The following TRAPPC8 variants were observed in gnomAD, a reference collection of about 807,000 sequenced individuals.
TRAPPC8 encodes the protein general sporulation gene 1 homolog.
TRAPPC8 carries 54 observed loss-of-function variants against 174.3 expected under a neutral mutation model. The observed-to-expected ratio is 0.31, with a 90% CI of 0.25 to 0.39. The LOEUF (loss-of-function observed/expected upper bound fraction) is 0.39, where lower values mean the gene tolerates loss of function less well. Ranked by LOEUF, TRAPPC8 falls within the 10% of genes least tolerant of loss-of-function variation. TRAPPC8 has a pLI of 1.00. For missense variants in TRAPPC8, 1,531 were observed against 1,699.1 expected, an observed-to-expected ratio of 0.90 and a Z score of 1.74; for synonymous variants, 630 against 579.9, an observed-to-expected ratio of 1.09 and a Z score of -1.24.
chr18:31,870,567 C>A, intron 15 of TRAPPC8, 65 bp from the exon 16 acceptor site: 1 of 1,511,474 alleles, frequency 6.6e-7, no homozygotes, highest in Non-Finnish European at 9.0e-7. Context: ...CAGCTTCGAT[C>A]TTCTAAATGC....
At chr18:31,903,678 C>T (rs2036540038) in intron 9 of TRAPPC8, among the ~76,000 whole-genome samples, 1 of 152,108 alleles carries the variant, frequency 6.6e-6, no homozygotes, top group Admixed American at 6.6e-5. Context: ...GTGCAAAGAC[C>T]ATTTTTCTTA....
In TRAPPC8 at chr18:31,942,939, A is replaced by G. The variant is rs1044558268; in HGVS notation, c.-175T>C. 4 of 1,200,408 alleles carry G rather than the reference A, an allele frequency of 3.3e-6. No individual in the cohort carries two copies. In the African/African-American group the frequency reaches 6.3e-5, roughly 19 times the overall value. The allele number at this position is 1,200,408 out of a possible 1,614,324, so 74.4% of individuals were successfully genotyped here. On this transcript the variant is annotated 5_prime_UTR_variant, in exon 1 of 29. Coordinates refer to ENST00000283351, the MANE Select transcript of TRAPPC8 (RefSeq NM_014939.5). ...ACGCCGCCGCTTCGGTTTCTGGGGC[A>G]CAATCCACTGACCCCCCCCTTCCCG...
intron 19 of TRAPPC8, 27 bp downstream of exon 19, chr18:31,864,600 T>C: frequency 6.2e-7 from 1 of 1,601,762 alleles, no homozygotes; most frequent in Non-Finnish European, 8.5e-7. Flanking sequence ...ATAAATTAAG[T>C]CCATGAAATT....
At chr18:31,936,950 C>T (rs985385569) in intron 1 of TRAPPC8, among the ~76,000 whole-genome samples, 2 of 142,832 alleles carry the variant, frequency 1.4e-5, no homozygotes, top group African/African-American at 5.2e-5. Flanking sequence ...CGGTGGCTCA[C>T]GCCTGTAATC....
At chr18:31,872,047 A>G (rs1000501027) in intron 14 of TRAPPC8, among the ~76,000 whole-genome samples, 2 of 152,124 alleles carry the variant, frequency 1.3e-5, no homozygotes, top group Non-Finnish European at 2.9e-5. Flanking sequence ...TCTTGGTGGC[A>G]AAGTCTGGGC....
At chr18:31,942,114 CG>C (rs1423400566) in intron 1 of TRAPPC8, among the ~76,000 whole-genome samples, 2 of 152,156 alleles carry the variant, frequency 1.3e-5, no homozygotes, top group Non-Finnish European at 2.9e-5. Context: ...AACAGCTACA[CG>C]GTAGTTCAGA....
chr18:31,894,643 A>G (rs1026599351), intron 11 of TRAPPC8, among the ~76,000 whole-genome samples: 3 of 152,206 alleles, frequency 2.0e-5, no homozygotes, highest in African/African-American at 4.8e-5. Flanking sequence ...TAACATTTCA[A>G]TAAAAACACA....
chr18:31,940,489 T>TTGA (rs2038284780), intron 1 of TRAPPC8, among the ~76,000 whole-genome samples: 1 of 151,966 alleles, frequency 6.6e-6, no homozygotes, highest in Non-Finnish European at 1.5e-5. Context: ...ACAAAAAAAC[T>TTGA]AATTTCACTT....
At chr18:31,882,790 T>C (rs565465692) in intron 12 of TRAPPC8, among the ~76,000 whole-genome samples, 75 of 151,558 alleles carry the variant, frequency 4.9e-4, no homozygotes, top group African/African-American at 1.8e-3. Context: ...CTAATTTTTG[T>C]ATTTTTAATA....
At chr18:31,886,344 GGAAAAAAAAAAA>G (rs796584630) in intron 12 of TRAPPC8, among the ~76,000 whole-genome samples, 14 of 71,262 alleles carry the variant, frequency 2.0e-4, no homozygotes, top group African/African-American at 6.9e-4. Flanking sequence ...TGTTTCTTGA[GGAAAAAAAAAAA>G]AAAAAAAAAA....
chr18:31,832,215 T>C, intron 27 of TRAPPC8, 42 bp from the exon 28 acceptor site: 1 of 1,288,180 alleles, frequency 7.8e-7, no homozygotes, highest in Non-Finnish European at 1.0e-6. Context: ...TATTTTTTTC[T>C]TCTTAAAAGC....
At chr18:31,890,499 C>A (rs1057035055) in intron 12 of TRAPPC8, among the ~76,000 whole-genome samples, 1 of 152,108 alleles carries the variant, frequency 6.6e-6, no homozygotes, top group African/African-American at 2.4e-5. Flanking sequence ...GATAAAATTA[C>A]AAATTTTATA....
rs35234467 is a variant in TRAPPC8, at chr18:31,932,997, C to CAAAAAAAAAAAAAAA, written c.158-1489_158-1475dup. On this transcript the variant is annotated intron_variant, in intron 1 of 28. Transcript: ENST00000283351. ...TGGGCGACAGAGTGAGACTCCGTCT[C>CAAAAAAAAAAAAAAA]AAAAAAAAAAAAAAAAAAAAAAAGC... Among the ~76,000 whole-genome samples the CAAAAAAAAAAAAAAA allele has an allele frequency of 5.4e-4, 23 of 42,686 alleles. 1 individual carries two copies. Among genetic ancestry groups the CAAAAAAAAAAAAAAA allele is most frequent in the African/African-American group, 2.8e-3 (19 of 6,712 alleles). The allele number at this position is 42,686 out of a possible 152,430, so 28.0% of individuals were successfully genotyped here.
At chr18:31,834,617 C>G (rs1278212611) in intron 27 of TRAPPC8, among the ~76,000 whole-genome samples, 1 of 152,160 alleles carries the variant, frequency 6.6e-6, no homozygotes, top group Non-Finnish European at 1.5e-5. Flanking sequence ...TTGATTCTAC[C>G]TCTTGGGTTT....
chr18:31,893,380 G>GGTGGGTGTGT (rs1555672485), intron 11 of TRAPPC8, among the ~76,000 whole-genome samples: 1 of 149,644 alleles, frequency 6.7e-6, no homozygotes, highest in African/African-American at 2.5e-5. Flanking sequence ...TTTGCTTCTA[G>GGTGGGTGTGT]GTGTGTGTGT....
At chr18:31,886,814 C>T (rs562402413) in intron 12 of TRAPPC8, among the ~76,000 whole-genome samples, 1 of 152,202 alleles carries the variant, frequency 6.6e-6, no homozygotes, top group African/African-American at 2.4e-5. Context: ...AACCACGTCT[C>T]TACTAAAAAC....
intron 24 of TRAPPC8, among the ~76,000 whole-genome samples, chr18:31,852,209 C>T (rs887446760): frequency 6.6e-5 from 10 of 152,038 alleles, no homozygotes; most frequent in African/African-American, 1.5e-4. Flanking sequence ...GGTGTGATGG[C>T]TGATGCCTGT....
chr18:31,903,121 CGTGTGT>C (rs3837889), intron 9 of TRAPPC8, among the ~76,000 whole-genome samples: 18 of 149,102 alleles, frequency 1.2e-4, no homozygotes, highest in African/African-American at 3.7e-4. Flanking sequence ...TGCGTGCGTG[CGTGTGT>C]GTGTGTGTGT....
In TRAPPC8 at chr18:31,853,935, C is replaced by A. The variant is rs370225359; in HGVS notation, c.3347G>T (p.Gly1116Val). The A allele has an allele frequency of 6.2e-7, 1 of 1,608,602 alleles. No individual in the cohort carries two copies. Among genetic ancestry groups the A allele is most frequent in the Non-Finnish European group, 8.5e-7 (1 of 1,178,706 alleles). Reference protein sequence around the residue: ...DVENTNTSEAGVKEFHIVQVS... With the variant: ...DVENTNTSEAVVKEFHIVQVS... ...TTGCACTATGTGGAATTCCTTAACG[C>A]CTGCTTCACTCTGTCAAAAAAAAAG... The change falls in exon 22 of 29, where the codon GGC becomes GTC. Residue 1116 changes from glycine to valine, a missense_variant. Transcript: ENST00000283351.
Sources: gnomAD v4.1 joint callset for allele counts (sites outside exome capture counted in the v4.1 genomes callset) on GRCh38, gnomAD v4.1.1 for gene constraint, MANE v1.5 for transcripts, NCBI Gene and HGNC (gene_info 2026-07-23, HGNC 2026-07-21) for gene names.